The following LYZL1 variants were observed in gnomAD, a reference collection of about 807,000 sequenced individuals.
LYZL1 encodes the protein lysozyme-like protein 1.
LYZL1 carries 16 observed loss-of-function variants against 17.9 expected under a neutral mutation model. The observed-to-expected ratio is 0.90, with a 90% CI of 0.61 to 1.36. LYZL1 has a LOEUF of 1.36. LYZL1 is among the 40% of genes most tolerant of loss of function. The pLI is 0.00. For missense variants in LYZL1, 149 were observed against 188.4 expected (o/e 0.79, Z 1.22); for synonymous variants, 58 against 71.8 (o/e 0.81, Z 0.97).
At chr10:29,303,453 G>GTTGT (rs1835548764) in intron 3 of LYZL1, among the ~76,000 whole-genome samples, 1 of 152,038 alleles carries the variant, frequency 6.6e-6, no homozygotes, top group Non-Finnish European at 1.5e-5. Flanking sequence ...TAGTCTTCTG[G>GTTGT]TTGTTTACAG....
chr10:29,295,493 A>C (rs1835435363), intron 3 of LYZL1, among the ~76,000 whole-genome samples: 1 of 152,186 alleles, frequency 6.6e-6, no homozygotes, highest in Admixed American at 6.5e-5. Context: ...TTTCAGTTAA[A>C]TATGAGGATT....
chr10:29,292,731 A>T lies in LYZL1; in HGVS notation c.298+54A>T, dbSNP rs1835389454. On this transcript the variant is annotated intron_variant, in intron 3 of 4. Transcript: ENST00000649382. ...TCCTCAGGACTAGGCGAGAAAGCCG[A>T]CAATGGGATCACCAACCATGTCTTG... 1.9e-5 allele frequency: 30 copies of T among 1,564,978 alleles called. No individual in the cohort carries two copies. In the South Asian group the frequency reaches 3.6e-4, roughly 19 times the overall value.
Position 29,300,964 on chromosome 10 carries a change from G to A in LYZL1, c.298+8287G>A, listed in dbSNP as rs997106311. On this transcript the variant is annotated intron_variant, in intron 3 of 4. Transcript: ENST00000649382. ...AGCCTCCCGAGTAGCTGGGACCACAGGCACATGCCACAATGCCTGGCTGGT... is the reference window on the plus strand; with the variant it reads ...AGCCTCCCGAGTAGCTGGGACCACAAGCACATGCCACAATGCCTGGCTGGT... 5.9e-5 allele frequency among the ~76,000 whole-genome samples: 9 copies of A among 152,214 alleles called. No homozygotes were observed. In the South Asian group the frequency reaches 8.3e-4, roughly 14 times the overall value.
chr10:29,298,646 C>T (rs1002044929), intron 3 of LYZL1, among the ~76,000 whole-genome samples: 3 of 152,132 alleles, frequency 2.0e-5, no homozygotes, highest in South Asian at 2.1e-4. Context: ...AAGAGGAAGA[C>T]ATGGTTCAGG....
At chr10:29,306,333 G>A (rs1232060647) in intron 3 of LYZL1, among the ~76,000 whole-genome samples, 2 of 137,382 alleles carry the variant, frequency 1.5e-5, no homozygotes, top group Non-Finnish European at 3.2e-5. Flanking sequence ...GGCGGATCAC[G>A]AGGTCAGGAG....
Position 29,290,422 on chromosome 10 carries a change from C to T in LYZL1, c.-26+1192C>T, listed in dbSNP as rs1835346414. Among the ~76,000 whole-genome samples, 3 of 152,216 alleles carry T rather than the reference C, an allele frequency of 2.0e-5. No homozygotes were observed. In the South Asian group the frequency reaches 6.2e-4, roughly 32 times the overall value. On this transcript the variant is annotated intron_variant, in intron 1 of 4. Coordinates refer to ENST00000649382, the MANE Select transcript of LYZL1 (RefSeq NM_032517.6). Reference sequence around the variant, plus strand: ...CCTCTGCTCCCCCAGGTGCTTTCCTCCTTTCATGAGGCTTTGTCCTCCATC... The same window carrying T: ...CCTCTGCTCCCCCAGGTGCTTTCCTTCTTTCATGAGGCTTTGTCCTCCATC...
At chr10:29,302,334 T>A (rs1835530176) in intron 3 of LYZL1, among the ~76,000 whole-genome samples, 1 of 152,164 alleles carries the variant, frequency 6.6e-6, no homozygotes, top group South Asian at 2.1e-4. Flanking sequence ...GAATATTTTG[T>A]AAGTTAGGTG....
intron 3 of LYZL1, among the ~76,000 whole-genome samples, chr10:29,308,839 C>A (rs1172956805): frequency 6.6e-6 from 1 of 151,482 alleles, no homozygotes; most frequent in Non-Finnish European, 1.5e-5. Flanking sequence ...GTGGCCCATG[C>A]CTGTAGTCCC....
chr10:29,316,902 A>G (rs763202090), intron 3 of LYZL1, among the ~76,000 whole-genome samples: 8 of 151,640 alleles, frequency 5.3e-5, no homozygotes, highest in Admixed American at 1.3e-4. Context: ...TTTTTTTGTA[A>G]ATACAAGGTC....
chr10:29,292,406 G>C, intron 2 of LYZL1, 113 bp from the exon 3 acceptor site: 2 of 1,484,450 alleles, frequency 1.3e-6, no homozygotes, highest in Non-Finnish European at 1.8e-6. Context: ...CCTGCCCAAG[G>C]TGTATTGGGA....
intron 3 of LYZL1, among the ~76,000 whole-genome samples, chr10:29,293,611 A>G (rs1411038400): frequency 6.6e-6 from 1 of 152,184 alleles, no homozygotes; most frequent in Admixed American, 6.5e-5. Context: ...ATGTGCTTAC[A>G]TGAAGTTAAA....
At chr10:29,312,378 T>C (rs1835683666), downstream of LYZL1, among the ~76,000 whole-genome samples, 1 of 130,590 alleles carries the variant, frequency 7.7e-6, no homozygotes, top group South Asian at 2.7e-4. Flanking sequence ...CATTATGAGA[T>C]TTTTTTTTTT....
intron 3 of LYZL1, among the ~76,000 whole-genome samples, chr10:29,306,082 G>T (rs994098904): frequency 6.6e-6 from 1 of 152,198 alleles, no homozygotes; most frequent in African/African-American, 2.4e-5. Flanking sequence ...TGATCCCACA[G>T]TTAAGAGCCA....
intron 1 of LYZL1, among the ~76,000 whole-genome samples, chr10:29,289,562 G>C (rs137895393): frequency 2.5e-4 from 38 of 151,654 alleles, no homozygotes; most frequent in Admixed American, 2.0e-3. Flanking sequence ...GGGACCACAG[G>C]CACACACCAC....
downstream of LYZL1, among the ~76,000 whole-genome samples, chr10:29,311,975 G>T (rs1835678215): frequency 6.6e-6 from 1 of 150,924 alleles, no homozygotes; most frequent in Admixed American, 6.6e-5. Context: ...GAAGGGGAAG[G>T]GGGAGGGAAC....
At chr10:29,298,536 C>T (rs891221501) in intron 3 of LYZL1, among the ~76,000 whole-genome samples, 14 of 152,242 alleles carry the variant, frequency 9.2e-5, no homozygotes, top group African/African-American at 2.4e-4. Flanking sequence ...AGAGTGGATC[C>T]GTCAGGGCAA....
chr10:29,305,733 T>G (rs1261894310), intron 3 of LYZL1, among the ~76,000 whole-genome samples: 1 of 152,228 alleles, frequency 6.6e-6, no homozygotes, highest in African/African-American at 2.4e-5. Context: ...GATGATATAT[T>G]TTGTCAGTTT....
chr10:29,309,334 A>G (rs1835639063), intron 3 of LYZL1, among the ~76,000 whole-genome samples: 1 of 151,732 alleles, frequency 6.6e-6, no homozygotes, highest in Non-Finnish European at 1.5e-5. Flanking sequence ...GTCTCACAAA[A>G]ACAAAAACAA....
At chr10:29,307,446 T>C (rs1284565164) in intron 3 of LYZL1, among the ~76,000 whole-genome samples, 3 of 152,228 alleles carry the variant, frequency 2.0e-5, no homozygotes, top group Non-Finnish European at 2.9e-5. Flanking sequence ...AGCATTTCCT[T>C]CTTTTCCATG....
Sources: allele counts gnomAD v4.1 joint callset (sites outside exome capture counted in the v4.1 genomes callset), GRCh38; gene constraint gnomAD v4.1.1; transcripts MANE v1.5; gene names NCBI Gene and HGNC (gene_info 2026-07-23, HGNC 2026-07-21).